Variants in RNF125 observed in about 807,000 individuals in gnomAD.
RNF125 encodes the protein E3 ubiquitin-protein ligase RNF125.
In RNF125, 21 loss-of-function variants were observed where a neutral mutation model predicts 26.0. The observed-to-expected ratio is 0.81, with a 90% CI of 0.57 to 1.16. RNF125 has a LOEUF of 1.16. Among genes scored for constraint, RNF125 ranks in the 50% most tolerant of loss-of-function variants. The pLI, the probability that RNF125 is intolerant of heterozygous loss-of-function variation, is 0.00. For missense variants in RNF125, 270 were observed against 299.4 expected, an observed-to-expected ratio of 0.90 and a Z score of 0.72; for synonymous variants, 95 against 109.2, an observed-to-expected ratio of 0.87 and a Z score of 0.81.
At chr18:32,028,297 TAA>T (rs1156859954) in intron 1 of RNF125, among the ~76,000 whole-genome samples, 1,669 of 72,304 alleles carry the variant, frequency 0.023, 55 homozygotes, top group African/African-American at 0.082. Flanking sequence ...GACTCCGTCT[TAA>T]AAAAAAAAAA....
chr18:32,040,163 T>C (rs1008836955), intron 2 of RNF125, among the ~76,000 whole-genome samples: 50 of 152,168 alleles, frequency 3.3e-4, no homozygotes, highest in African/African-American at 1.2e-3. Flanking sequence ...ACGCACATTT[T>C]GCCCTCTCCA....
At chr18:32,055,771 GGT>G (rs2144501052) in intron 4 of RNF125, among the ~76,000 whole-genome samples, 1 of 151,608 alleles carries the variant, frequency 6.6e-6, no homozygotes, top group East Asian at 1.9e-4. Context: ...ACCTGAGGTG[GGT>G]AGTTTGAGAC....
intron 1 of RNF125, among the ~76,000 whole-genome samples, chr18:32,027,392 A>G (rs1252665645): frequency 6.6e-6 from 1 of 152,194 alleles, no homozygotes; most frequent in Admixed American, 6.5e-5. Context: ...ATAGGTACCA[A>G]TAAGGTAGCT....
At chr18:32,062,504 A>AT (rs1159147762) in intron 4 of RNF125, among the ~76,000 whole-genome samples, 2 of 152,198 alleles carry the variant, frequency 1.3e-5, no homozygotes, top group African/African-American at 4.8e-5. Context: ...AAAGGATGTA[A>AT]TTTTACTAAA....
intron 1 of RNF125, among the ~76,000 whole-genome samples, chr18:32,023,303 C>T (rs1467927606): frequency 6.6e-6 from 1 of 152,180 alleles, no homozygotes; most frequent in Non-Finnish European, 1.5e-5. Flanking sequence ...CAGACATGCA[C>T]CACCACACCT....
At chr18:32,037,014 G>C (rs904087782) in intron 1 of RNF125, 102 bp from the exon 2 acceptor site, 25 of 1,039,574 alleles carry the variant, frequency 2.4e-5, no homozygotes, top group Non-Finnish European at 3.3e-5. Flanking sequence ...GGCTCATGGG[G>C]TACGAGGTGT....
chr18:32,038,794 C>T (rs1320669530), intron 2 of RNF125, among the ~76,000 whole-genome samples: 2 of 152,018 alleles, frequency 1.3e-5, no homozygotes, highest in African/African-American at 2.4e-5. Context: ...GAGACAGAGT[C>T]GCACTCTGTT....
rs1467485103 is a variant in RNF125, at chr18:32,042,058, ATC to A, written c.319-119_319-118del. On this transcript the variant is annotated intron_variant, in intron 2 of 5. Coordinates refer to ENST00000217740, the MANE Select transcript of RNF125 (RefSeq NM_017831.4). The stretch of plus-strand genomic sequence containing the variant: ...TTGGTGGTACTGGTGTTACGAATGC[ATC>A]TATTTAGTCAGTTGATCCCACAGTA... 4.9e-4 allele frequency: 341 copies of A among 695,538 alleles called. 1 individual carries two copies. In the East Asian group the frequency reaches 7.5e-3, roughly 15 times the overall value. The allele number at this position is 695,538 out of a possible 1,614,324, so 43.1% of individuals were successfully genotyped here.
intron 1 of RNF125, among the ~76,000 whole-genome samples, chr18:32,027,227 CTTT>C (rs770091087): frequency 7.6e-6 from 1 of 131,862 alleles, no homozygotes; most frequent in Non-Finnish European, 1.7e-5. Context: ...AGGATGGAGT[CTTT>C]TTTTTTTTTT....
Position 32,018,962 on chromosome 18 carries a change from GTC to G in RNF125, c.100_101del (p.Ser34LeufsTer8). ...GGAGGGACCCGGAGTTGCCCGTCAC[GTC>G]CTTCGACTGCGCCGTGTGCCTTGAG... ...RRRDPELPVT[S>X]FDCAVCLEVL... On this transcript the variant is annotated frameshift_variant, in exon 1 of 6. Transcript: ENST00000217740. LOFTEE classifies it high-confidence loss of function. The G allele has an allele frequency of 6.2e-7, 1 of 1,613,784 alleles. No homozygotes were observed. Among genetic ancestry groups the G allele is most frequent in the Non-Finnish European group, 8.5e-7 (1 of 1,179,860 alleles).
chr18:32,087,319 G>T, the RNF125 span, among the ~76,000 whole-genome samples: 1 of 148,944 alleles, frequency 6.7e-6, no homozygotes, highest in East Asian at 2.1e-4. Flanking sequence ...TCTGTGCACT[G>T]CTCCAGCAAA....
At chr18:32,066,117 A>G (rs1349225715) in intron 5 of RNF125, 108 bp downstream of exon 5, 23 of 688,746 alleles carry the variant, frequency 3.3e-5, no homozygotes, top group South Asian at 3.2e-4. Context: ...GTATATAGCT[A>G]TAGTGTTGAG....
chr18:32,019,105 A>G (rs1321249724), intron 1 of RNF125, 78 bp downstream of exon 1: 2 of 1,542,364 alleles, frequency 1.3e-6, no homozygotes, highest in Middle Eastern at 1.7e-4. Context: ...GGTGTGGGGA[A>G]GGAGGGGGAC....
At chr18:32,064,390 C>CTT (rs2039463479) in intron 4 of RNF125, among the ~76,000 whole-genome samples, 4 of 84,690 alleles carry the variant, frequency 4.7e-5, no homozygotes, top group African/African-American at 1.4e-4. Flanking sequence ...AAATCTTTTT[C>CTT]TTTTTCTTTT....
the RNF125 span, among the ~76,000 whole-genome samples, chr18:32,081,602 A>C: frequency 6.6e-6 from 1 of 152,210 alleles, no homozygotes; most frequent in South Asian, 2.1e-4. Flanking sequence ...TTTTAACTTA[A>C]TTACTTTTTA....
chr18:32,068,459 G>A lies in RNF125; in HGVS notation c.*75G>A. 1.2e-6 allele frequency: 1 copy of A among 865,284 alleles called. No individual in the cohort carries two copies. The highest frequency in any genetic ancestry group is 2.0e-6 in the Non-Finnish European group (1 of 509,846). The allele number at this position is 865,284 out of a possible 1,614,324, so 53.6% of individuals were successfully genotyped here. On this transcript the variant is annotated 3_prime_UTR_variant, in exon 6 of 6. Coordinates refer to ENST00000217740, the MANE Select transcript of RNF125 (RefSeq NM_017831.4). ...TGCTGCTTGAACAAATGGGAGGGAAGTTGTCAATGATTGATGGGCAAAAAT... is the reference window on the plus strand; with the variant it reads ...TGCTGCTTGAACAAATGGGAGGGAAATTGTCAATGATTGATGGGCAAAAAT...
chr18:32,055,967 G>A (rs1319357269), intron 4 of RNF125, among the ~76,000 whole-genome samples: 8 of 66,848 alleles, frequency 1.2e-4, no homozygotes, highest in South Asian at 5.7e-4. Context: ...TAACAAGAGT[G>A]AAACTCCATC....
At chr18:32,068,115 G>A (rs2039500702) in intron 5 of RNF125, among the ~76,000 whole-genome samples, 183 bp from the exon 6 acceptor site, 1 of 152,172 alleles carries the variant, frequency 6.6e-6, no homozygotes, top group South Asian at 2.1e-4. Context: ...ACAACAAAGT[G>A]AAGTAGAAAA....
At chr18:32,077,050 G>A (rs921640480), downstream of RNF125, among the ~76,000 whole-genome samples, 1 of 151,926 alleles carries the variant, frequency 6.6e-6, no homozygotes, top group Non-Finnish European at 1.5e-5. Context: ...TATAAATTTT[G>A]GATTGCAAGT....
Sources: allele counts gnomAD v4.1 joint callset (sites outside exome capture counted in the v4.1 genomes callset), GRCh38; gene constraint gnomAD v4.1.1; transcripts MANE v1.5; gene names NCBI Gene and HGNC (gene_info 2026-07-23, HGNC 2026-07-21).